The following DMD variants were observed in gnomAD, a reference collection of about 807,000 sequenced individuals.
DMD encodes mutant dystrophin.
In DMD, 63 loss-of-function variants were observed where a neutral mutation model predicts 330.1. That is an observed-to-expected ratio of 0.19 (90% CI 0.16 to 0.24). DMD has a LOEUF of 0.24. Among genes scored for constraint, DMD ranks in the 10% least tolerant of loss-of-function variants. The probability of loss-of-function intolerance (pLI) is 1.00; values close to 1 mark genes in which losing one functional copy is unlikely to be tolerated. For synonymous variants in DMD, 1,223 were observed against 959.8 expected (o/e 1.27, Z -5.07); for missense variants, 3,344 against 2,684.1 (o/e 1.25, Z -5.43).
At chrX:32,687,335 A>C (rs1326805231) in intron 9 of DMD, among the ~76,000 whole-genome samples, 1 of 111,962 alleles carries the variant, frequency 8.9e-6, no homozygotes, top group Admixed American at 9.5e-5. Context: ...GTATTTTTTT[A>C]AGATGGATAC....
chrX:32,703,920 C>G (rs1311734704), intron 7 of DMD, among the ~76,000 whole-genome samples: 1 of 111,351 alleles, frequency 9.0e-6, no homozygotes, highest in South Asian at 3.8e-4. Flanking sequence ...ATTACATGAA[C>G]GTAATTTTAC....
intron 2 of DMD, among the ~76,000 whole-genome samples, chrX:32,980,237 G>C (rs1729694228): frequency 9.3e-6 from 1 of 107,220 alleles, no homozygotes; most frequent in South Asian, 4.3e-4. Context: ...GTAGTAGCAG[G>C]CGCCTGTAAT....
At chrX:31,606,102 G>A (rs1008854962) in intron 55 of DMD, among the ~76,000 whole-genome samples, 1 of 110,931 alleles carries the variant, frequency 9.0e-6, no homozygotes, top group African/African-American at 3.3e-5. Flanking sequence ...GGATCTGATG[G>A]TTTTATAAGG....
chrX:32,543,112 G>T (rs767856286), intron 17 of DMD, among the ~76,000 whole-genome samples: 1 of 111,706 alleles, frequency 9.0e-6, no homozygotes, highest in Non-Finnish European at 1.9e-5. Context: ...AAAAATACAT[G>T]CGATGCCAAT....
At chrX:31,779,761 T>C (rs1480221852) in intron 50 of DMD, among the ~76,000 whole-genome samples, 2 of 110,419 alleles carry the variant, frequency 1.8e-5, no homozygotes, top group African/African-American at 6.6e-5. Context: ...AGAGAGGGCA[T>C]CTGAATAGTC....
At chrX:31,383,243 G>A (rs376257443) in intron 60 of DMD, among the ~76,000 whole-genome samples, 248 of 111,104 alleles carry the variant, frequency 2.2e-3, no homozygotes, top group African/African-American at 7.8e-3. Flanking sequence ...AAATCTTATA[G>A]AACGGCCCTA....
At chrX:32,758,520 AAAT>A (rs1476791412) in intron 7 of DMD, among the ~76,000 whole-genome samples, 1 of 111,549 alleles carries the variant, frequency 9.0e-6, no homozygotes, top group Non-Finnish European at 1.9e-5. Flanking sequence ...CCACTTGATA[AAAT>A]AATGGGTCAC....
chrX:33,075,974 G>A (rs1225715908), intron 1 of DMD, among the ~76,000 whole-genome samples: 2 of 111,934 alleles, frequency 1.8e-5, no homozygotes, highest in Non-Finnish European at 3.8e-5. Flanking sequence ...TGCAGCTAGA[G>A]ACTACAAGAT....
chrX:31,913,854 A>G (rs1413302904), intron 47 of DMD, among the ~76,000 whole-genome samples: 1 of 112,478 alleles, frequency 8.9e-6, no homozygotes, highest in Non-Finnish European at 1.9e-5. Context: ...CGATAGGTGT[A>G]TCTAGAACTA....
At position 32,502,520 on chromosome X, in the gene DMD, G is replaced by A. The variant is rs375396590; in HGVS notation, c.2293-678C>T. ...CCAGAATTTCATACTATTGAGTTTA[G>A]CTAATAATATTCCTATGGAGACATA... On this transcript the variant is annotated intron_variant, in intron 18 of 78. Transcript: ENST00000357033. Among the ~76,000 whole-genome samples, 12 of 111,694 alleles carry A rather than the reference G, an allele frequency of 1.1e-4. 1 individual carries two copies. The South Asian group carries it at 4.5e-3, about 41-fold the overall frequency.
At chrX:33,016,814 C>T (rs1188588461) in intron 2 of DMD, among the ~76,000 whole-genome samples, 1 of 111,588 alleles carries the variant, frequency 9.0e-6, no homozygotes, top group Non-Finnish European at 1.9e-5. Context: ...CATTTTATGA[C>T]AAAATTATTT....
chrX:32,101,959 G>C (rs960533340), intron 44 of DMD: 24 of 110,503 alleles, frequency 2.2e-4, no homozygotes, highest in African/African-American at 8.0e-4. Flanking sequence ...TATAAGAACA[G>C]GAAGAGAGAC....
chrX:32,859,505 ACACAC>A (rs2081906886), intron 2 of DMD, among the ~76,000 whole-genome samples: 2 of 90,602 alleles, frequency 2.2e-5, no homozygotes, highest in East Asian at 3.2e-4. Context: ...ACACACACAC[ACACAC>A]AAGTTAAAGT....
At chrX:32,262,663 A>G (rs1006035493) in intron 43 of DMD, among the ~76,000 whole-genome samples, 5 of 111,175 alleles carry the variant, frequency 4.5e-5, no homozygotes, top group African/African-American at 1.6e-4. Flanking sequence ...AGATTCACCA[A>G]TTACAAATGA....
chrX:32,892,794 G>T (rs1020259550), intron 2 of DMD, among the ~76,000 whole-genome samples: 1 of 111,708 alleles, frequency 9.0e-6, no homozygotes, highest in South Asian at 3.7e-4. Context: ...CCCAGCTCAG[G>T]CCTACACGCT....
intron 60 of DMD, among the ~76,000 whole-genome samples, chrX:31,376,020 C>T (rs755702611): frequency 9.0e-6 from 1 of 111,622 alleles, no homozygotes; most frequent in South Asian, 3.8e-4. Context: ...AAGCTCCCTG[C>T]CTCCTCTGAC....
intron 1 of DMD, among the ~76,000 whole-genome samples, chrX:33,158,406 G>C (rs1177689530): frequency 9.0e-6 from 1 of 110,907 alleles, no homozygotes; most frequent in Admixed American, 9.7e-5. Context: ...TTTGTTCCTT[G>C]TGACTCATTC....
intron 11 of DMD, 88 bp from the exon 12 acceptor site, chrX:32,614,541 T>C (rs1315638536): frequency 9.5e-6 from 8 of 838,512 alleles, no homozygotes; most frequent in African/African-American, 6.2e-5. Context: ...ATTTATAATA[T>C]ATGGAATGTT....
intron 51 of DMD, among the ~76,000 whole-genome samples, chrX:31,730,673 C>T (rs1448404331): frequency 9.0e-6 from 1 of 111,070 alleles, no homozygotes; most frequent in East Asian, 2.8e-4. Context: ...TTCTAAAACT[C>T]AGTAAATTTT....
Sources: gnomAD v4.1 joint callset for allele counts (sites outside exome capture counted in the v4.1 genomes callset) on GRCh38, gnomAD v4.1.1 for gene constraint, MANE v1.5 for transcripts, NCBI Gene and HGNC (gene_info 2026-07-23, HGNC 2026-07-21) for gene names.